DTNB: variants seen among roughly 807,000 people sequenced by gnomAD.
The protein encoded by DTNB is DTN-B.
DTNB carries 63 observed loss-of-function variants against 90.7 expected under a neutral mutation model. The observed-to-expected ratio is 0.69, with a 90% CI of 0.57 to 0.86. The LOEUF (loss-of-function observed/expected upper bound fraction) is 0.86, where lower values mean the gene tolerates loss of function less well. DTNB is among the 40% of genes least tolerant of loss of function. DTNB has a pLI of 0.00. For missense variants in DTNB, 744 were observed against 807.1 expected (o/e 0.92, Z 0.95); for synonymous variants, 277 against 286.7 (o/e 0.97, Z 0.34).
chr2:25,644,652 C>T (rs557769210), intron 2 of DTNB, among the ~76,000 whole-genome samples: 6 of 152,254 alleles, frequency 3.9e-5, no homozygotes, highest in South Asian at 4.1e-4. Flanking sequence ...ACTCCAGAGG[C>T]TGAGACAGGA....
intron 10 of DTNB, among the ~76,000 whole-genome samples, chr2:25,459,294 CA>C (rs2060558790): frequency 6.6e-6 from 1 of 151,718 alleles, no homozygotes; most frequent in Non-Finnish European, 1.5e-5. Flanking sequence ...CCCAGAGGCT[CA>C]GTTCGTTTTC....
intron 20 of DTNB, among the ~76,000 whole-genome samples, chr2:25,378,812 A>G (rs2036649507): frequency 6.6e-6 from 1 of 152,214 alleles, no homozygotes; most frequent in East Asian, 1.9e-4. Flanking sequence ...CCCTGTAGTC[A>G]GTGTGATCCT....
At chr2:25,410,937 T>TC (rs887209517) in intron 16 of DTNB, among the ~76,000 whole-genome samples, 4 of 148,416 alleles carry the variant, frequency 2.7e-5, no homozygotes, top group African/African-American at 9.8e-5. Flanking sequence ...GCCTTTTCTT[T>TC]TTTTTTTTTT....
At chr2:25,384,898 G>C (rs1329048331) in intron 18 of DTNB, among the ~76,000 whole-genome samples, 1 of 132,396 alleles carries the variant, frequency 7.6e-6, no homozygotes, top group Non-Finnish European at 1.7e-5. Flanking sequence ...TTTTTTTTTT[G>C]AGATGGAGTT....
intron 10 of DTNB, among the ~76,000 whole-genome samples, chr2:25,470,212 C>A (rs1218749616): frequency 6.6e-6 from 1 of 152,026 alleles, no homozygotes; most frequent in African/African-American, 2.4e-5. Context: ...CTGTAGGAAC[C>A]ACCAAAGCAG....
chr2:25,579,936 T>C (rs1042528927), intron 7 of DTNB, among the ~76,000 whole-genome samples: 26 of 150,954 alleles, frequency 1.7e-4, no homozygotes. Context: ...AGCCTATAGC[T>C]GAAGTTGTAT....
At chr2:25,511,126 T>C (rs1183221290) in intron 9 of DTNB, among the ~76,000 whole-genome samples, 1 of 152,230 alleles carries the variant, frequency 6.6e-6, no homozygotes, top group Non-Finnish European at 1.5e-5. Flanking sequence ...GATCAGCTTA[T>C]AAATTAGAGT....
chr2:25,495,573 T>C (rs1312706693), intron 9 of DTNB, among the ~76,000 whole-genome samples: 1 of 152,208 alleles, frequency 6.6e-6, no homozygotes, highest in Non-Finnish European at 1.5e-5. Flanking sequence ...GCCCAGGTTC[T>C]AAAAGCCCTT....
chr2:25,558,162 A>G, intron 8 of DTNB: 1 of 949,460 alleles, frequency 1.1e-6, no homozygotes, highest in Non-Finnish European at 1.3e-6. Context: ...GACATTTCGT[A>G]GTCACTAAAT....
chr2:25,388,805 C>CGTGTGTGTGTGTGTGTGT (rs112323714), intron 16 of DTNB, among the ~76,000 whole-genome samples: 21 of 149,258 alleles, frequency 1.4e-4, no homozygotes, highest in African/African-American at 2.2e-4. Context: ...AAAGGACATA[C>CGTGTGTGTGTGTGTGTGT]GTGTGTGTGT....
chr2:25,577,266 C>A (rs953814051), intron 7 of DTNB, among the ~76,000 whole-genome samples: 2 of 152,162 alleles, frequency 1.3e-5, no homozygotes, highest in Non-Finnish European at 2.9e-5. Context: ...AAAACCCTGT[C>A]TCTACTAAAA....
Position 25,531,736 on chromosome 2 carries a change from G to A in DTNB, c.877-139C>T. 5 of 1,206,520 alleles carry A rather than the reference G, an allele frequency of 4.1e-6. No homozygotes were observed. The South Asian group carries it at 6.5e-5, about 16-fold the overall frequency. The allele number at this position is 1,206,520 out of a possible 1,614,324, so 74.7% of individuals were successfully genotyped here. The stretch of plus-strand genomic sequence containing the variant: ...CAAGTTTCATTACATCAATATCATT[G>A]GGCCTTTCAGAAAGGAACCTCCAGT... On this transcript the variant is annotated intron_variant, in intron 8 of 20. Transcript: ENST00000406818.
intron 4 of DTNB, among the ~76,000 whole-genome samples, chr2:25,626,993 A>G (rs374735638): frequency 7.2e-5 from 11 of 152,404 alleles, no homozygotes; most frequent in African/African-American, 2.6e-4. Flanking sequence ...CTCTACGAAT[A>G]TAAGTGCAGC....
At position 25,624,005 on chromosome 2, in the gene DTNB, A is replaced by G. The variant is rs858661; in HGVS notation, c.362+4166T>C. Among the ~76,000 whole-genome samples, 506 of 152,294 alleles carry G rather than the reference A, an allele frequency of 3.3e-3. 3 individuals are homozygous for G. The highest frequency in any genetic ancestry group is 0.011 in the African/African-American group (474 of 41,562). Reference sequence around the variant, plus strand: ...TGCCTCATGATACCCTCCAGTGTTAACATCAACACAGACCTTAAGTCTGAG... The same window carrying G: ...TGCCTCATGATACCCTCCAGTGTTAGCATCAACACAGACCTTAAGTCTGAG... On this transcript the variant is annotated intron_variant, in intron 4 of 20. Transcript: ENST00000406818.
intron 2 of DTNB, among the ~76,000 whole-genome samples, chr2:25,651,392 C>T (rs704789): frequency 0.52 from 78,885 of 152,016 alleles, 20,775 homozygotes; most frequent in East Asian, 0.79. Flanking sequence ...GCTGCTGTGG[C>T]GTGACGAACA....
rs1287094212 is a variant in DTNB, at chr2:25,526,382, TATATATATATATA to T, written c.1001+5078_1001+5090del. On this transcript the variant is annotated intron_variant, in intron 9 of 20. Coordinates refer to ENST00000406818, the MANE Select transcript of DTNB (RefSeq NM_021907.5). ...ATATAAATATATATATATATATATA[TATATATATATATA>T]TTTTTTTTTTTTTAATTGAGACAGA... is the stretch of plus-strand genomic sequence containing the variant. 3.1e-3 allele frequency among the ~76,000 whole-genome samples: 165 copies of T among 53,704 alleles called. 2 individuals are homozygous for T. Among genetic ancestry groups the T allele is most frequent in the Middle Eastern group, 0.022 (3 of 134 alleles). 35.2% of individuals were successfully genotyped at this position (53,704 alleles called of 152,430 possible).
intron 10 of DTNB, among the ~76,000 whole-genome samples, chr2:25,476,267 C>A (rs893324766): frequency 6.6e-6 from 1 of 152,114 alleles, no homozygotes; most frequent in Non-Finnish European, 1.5e-5. Context: ...CAGGGTTTCA[C>A]CATGTTGGCC....
chr2:25,463,321 A>C (rs2061298935), intron 10 of DTNB, among the ~76,000 whole-genome samples: 1 of 152,152 alleles, frequency 6.6e-6, no homozygotes, highest in African/African-American at 2.4e-5. Flanking sequence ...ATCCACTGCA[A>C]GTCCTGATGG....
At chr2:25,510,790 G>A (rs1490204439) in intron 9 of DTNB, among the ~76,000 whole-genome samples, 1 of 152,192 alleles carries the variant, frequency 6.6e-6, no homozygotes, top group Admixed American at 6.5e-5. Context: ...TTACAGGCGT[G>A]AGCCACCACG....
Sources: gnomAD v4.1 joint callset for allele counts (sites outside exome capture counted in the v4.1 genomes callset) on GRCh38, gnomAD v4.1.1 for gene constraint, MANE v1.5 for transcripts, NCBI Gene and HGNC (gene_info 2026-07-23, HGNC 2026-07-21) for gene names.